Variants in TRPM3 observed in about 807,000 individuals in gnomAD.
TRPM3 encodes the protein long transient receptor potential channel 3.
In TRPM3, 77 loss-of-function variants were observed where a neutral mutation model predicts 181.2. That is an observed-to-expected ratio of 0.42 (90% confidence interval 0.35 to 0.51). TRPM3 has a LOEUF of 0.51. Among genes scored for constraint, TRPM3 ranks in the 20% least tolerant of loss-of-function variants. The pLI, the probability that TRPM3 is intolerant of heterozygous loss-of-function variation, is 0.01. For synonymous variants in TRPM3, 745 were observed against 796.4 expected (o/e 0.94, Z 1.09); for missense variants, 1,759 against 2,196.7 (o/e 0.80, Z 3.98).
intron 1 of TRPM3, among the ~76,000 whole-genome samples, chr9:70,902,674 T>C (rs2096403176): frequency 6.6e-6 from 1 of 152,216 alleles, no homozygotes; most frequent in African/African-American, 2.4e-5. Context: ...ATTTAGTTCT[T>C]AAGGACATAT....
chr9:70,664,868 T>A (rs889641238), intron 9 of TRPM3, among the ~76,000 whole-genome samples: 1 of 152,060 alleles, frequency 6.6e-6, no homozygotes, highest in Non-Finnish European at 1.5e-5. Context: ...CAGGCTGGTC[T>A]ACAACTCCTG....
intron 1 of TRPM3, among the ~76,000 whole-genome samples, chr9:71,133,541 G>A (rs1378949165): frequency 2.0e-5 from 3 of 151,802 alleles, no homozygotes; most frequent in Middle Eastern, 3.4e-3. Context: ...TAGGTGATCC[G>A]CCTGCCTCGG....
chr9:71,436,779 G>A (rs949012485), intron 1 of TRPM3, among the ~76,000 whole-genome samples: 1 of 152,126 alleles, frequency 6.6e-6, no homozygotes, highest in Admixed American at 6.5e-5. Context: ...TTGATGTGTA[G>A]TCCAGTGAAA....
intron 1 of TRPM3, among the ~76,000 whole-genome samples, chr9:70,976,999 T>C (rs2097309443): frequency 6.6e-6 from 1 of 152,220 alleles, no homozygotes. Flanking sequence ...GATTTTATTT[T>C]TAGGAGAGAA....
chr9:71,420,513 AAGAAAAAGAGAAAG>A (rs1485636941), intron 1 of TRPM3, among the ~76,000 whole-genome samples: 4 of 151,576 alleles, frequency 2.6e-5, no homozygotes, highest in African/African-American at 9.7e-5. Context: ...GCAACAAAGA[AAGAAAAAGAGAAAG>A]AGAAAGAAAG....
intron 1 of TRPM3, among the ~76,000 whole-genome samples, chr9:71,430,502 T>C (rs2093938195): frequency 6.6e-6 from 1 of 152,166 alleles, no homozygotes; most frequent in South Asian, 2.1e-4. Flanking sequence ...TTTATAAGCA[T>C]ACAGAGTGAG....
intron 1 of TRPM3, among the ~76,000 whole-genome samples, chr9:71,328,340 T>A (rs1197034338): frequency 2.0e-5 from 3 of 151,624 alleles, no homozygotes; most frequent in African/African-American, 4.8e-5. Flanking sequence ...ATTTTTTGTA[T>A]TTTTTTTAGT....
intron 1 of TRPM3, among the ~76,000 whole-genome samples, chr9:71,443,497 T>G (rs1237235252): frequency 6.6e-6 from 1 of 152,170 alleles, no homozygotes; most frequent in Non-Finnish European, 1.5e-5. Context: ...CTTCTGCCTG[T>G]CACCAGAACA....
chr9:71,130,369 C>T lies in TRPM3; in HGVS notation c.184-265858G>A, dbSNP rs145954354. On this transcript the variant is annotated intron_variant, in intron 1 of 24. Coordinates refer to the TRPM3 transcript ENST00000357533. ...AAGATAATATTCTAGAAACTTATGA[C>T]GTTTGTTTCAATGACACAAAAGATG... 4.6e-5 allele frequency among the ~76,000 whole-genome samples: 7 copies of T among 152,194 alleles called. No individual in the cohort carries two copies. In the East Asian group the frequency reaches 9.7e-4, roughly 21 times the overall value.
At chr9:70,666,335 A>G (rs2133995026) in intron 9 of TRPM3, among the ~76,000 whole-genome samples, 1 of 152,172 alleles carries the variant, frequency 6.6e-6, no homozygotes, top group East Asian at 1.9e-4. Flanking sequence ...TTTGTGTGGA[A>G]GCTCCTATTT....
chr9:70,791,239 T>C (rs2130997545), intron 6 of TRPM3, among the ~76,000 whole-genome samples: 1 of 152,322 alleles, frequency 6.6e-6, no homozygotes, highest in African/African-American at 2.4e-5. Flanking sequence ...CGCTATACAT[T>C]TTTTTGCCAT....
At chr9:70,640,445 A>G in intron 10 of TRPM3, 115 bp downstream of exon 10, 1 of 736,762 alleles carries the variant, frequency 1.4e-6, no homozygotes, top group Non-Finnish European at 2.2e-6. Context: ...ACCAAGGAAC[A>G]CATTCCATCT....
intron 1 of TRPM3, among the ~76,000 whole-genome samples, chr9:71,023,857 CGTA>C (rs1257401907): frequency 6.6e-6 from 1 of 152,044 alleles, no homozygotes; most frequent in Non-Finnish European, 1.5e-5. Context: ...GGAGAGAAGG[CGTA>C]GTTATAAAAA....
At position 71,073,642 on chromosome 9, in the gene TRPM3, TAA is replaced by T. The variant is rs140271875; in HGVS notation, c.177+47534_177+47535del. On this transcript the variant is annotated intron_variant, in intron 1 of 25. Coordinates refer to ENST00000677713, the MANE Select transcript of TRPM3 (RefSeq NM_001366145.2). ...CCTGTTCCATTCCATAGATTATCAA[TAA>T]AAAAAAAACCCAATTTATTTAGAAA... 5.3e-3 allele frequency among the ~76,000 whole-genome samples: 780 copies of T among 147,860 alleles called. 17 individuals are homozygous for T. The East Asian group carries it at 0.079, about 15-fold the overall frequency.
chr9:71,428,952 A>G (rs937115119), intron 1 of TRPM3, among the ~76,000 whole-genome samples: 4 of 111,000 alleles, frequency 3.6e-5, no homozygotes, highest in Admixed American at 1.8e-4. Flanking sequence ...TCAAAGGAAA[A>G]AAAAAAAAAA....
chr9:71,225,066 C>T (rs1390729040), intron 1 of TRPM3, among the ~76,000 whole-genome samples: 1 of 151,948 alleles, frequency 6.6e-6, no homozygotes, highest in African/African-American at 2.4e-5. Flanking sequence ...CAGAGAATGT[C>T]CCAAACCTAT....
intron 1 of TRPM3, among the ~76,000 whole-genome samples, chr9:71,174,857 TGAGA>T (rs1024857281): frequency 8.5e-5 from 13 of 152,116 alleles, no homozygotes; most frequent in Admixed American, 6.6e-5. Flanking sequence ...ATGAGAGTTC[TGAGA>T]GAGGACAGCG....
Position 70,986,806 on chromosome 9 carries a change from C to G in TRPM3, c.178-122295G>C, listed in dbSNP as rs192987256. Among the ~76,000 whole-genome samples, 17 of 152,122 alleles carry G rather than the reference C, an allele frequency of 1.1e-4. No homozygotes were observed. In the East Asian group the frequency reaches 3.3e-3, roughly 29 times the overall value. ...CTCTGGTATCAGAAAGGATTAACAC[C>G]TCAGAGGAGGACACGGTATATCAGT... is the stretch of plus-strand genomic sequence containing the variant. On this transcript the variant is annotated intron_variant, in intron 1 of 25. Transcript: ENST00000677713.
chr9:71,187,889 T>TGATAGATAGATA (rs5898183), intron 1 of TRPM3, among the ~76,000 whole-genome samples: 5 of 146,212 alleles, frequency 3.4e-5, no homozygotes, highest in South Asian at 2.2e-4. Flanking sequence ...GGCAGACAGA[T>TGATAGATAGATA]GATAGATAGA....
Sources: allele counts gnomAD v4.1 joint callset (sites outside exome capture counted in the v4.1 genomes callset), GRCh38; gene constraint gnomAD v4.1.1; transcripts MANE v1.5; gene names NCBI Gene and HGNC (gene_info 2026-07-23, HGNC 2026-07-21).